Variants in CDK13 observed in about 807,000 individuals in gnomAD.
CDK13 encodes cyclin-dependent kinase 13.
Under a neutral mutation model 137.6 loss-of-function variants are expected in CDK13, and 40 were observed. The ratio of observed to expected loss-of-function variants is 0.29; its 90% CI spans 0.23 to 0.38. The LOEUF is 0.38. Among genes scored for constraint, CDK13 ranks in the 10% least tolerant of loss-of-function variants. CDK13 has a pLI of 1.00. For synonymous variants in CDK13, 869 were observed against 760.1 expected (o/e 1.14, Z -2.36); for missense variants, 1,704 against 1,951.8 (o/e 0.87, Z 2.39).
At chr7:40,024,038 C>T (rs922583752) in intron 5 of CDK13, among the ~76,000 whole-genome samples, 9 of 152,192 alleles carry the variant, frequency 5.9e-5, no homozygotes, top group Admixed American at 1.3e-4. Context: ...AGAACTCACT[C>T]TCAGCTTTTA....
At chr7:40,001,773 AGAATT>A in intron 4 of CDK13, 83 bp from the exon 5 acceptor site, 2 of 842,516 alleles carry the variant, frequency 2.4e-6, no homozygotes, top group East Asian at 4.9e-5. Flanking sequence ...AAATAAGAAC[AGAATT>A]GAATTAAAAT....
chr7:40,060,313 TTAAC>T (rs1369237031), intron 7 of CDK13, among the ~76,000 whole-genome samples: 1 of 152,212 alleles, frequency 6.6e-6, no homozygotes, highest in Non-Finnish European at 1.5e-5. Context: ...AAAATAAAAA[TTAAC>T]TATTTGTAGA....
At chr7:39,953,531 A>G (rs1049649100) in intron 1 of CDK13, among the ~76,000 whole-genome samples, 3 of 152,232 alleles carry the variant, frequency 2.0e-5, no homozygotes, top group African/African-American at 7.2e-5. Context: ...TTTTATATAC[A>G]TATATGAAAT....
At chr7:39,969,960 A>C (rs912260331) in intron 1 of CDK13, among the ~76,000 whole-genome samples, 3 of 151,776 alleles carry the variant, frequency 2.0e-5, no homozygotes, top group Admixed American at 2.0e-4. Flanking sequence ...AGTAATTTCC[A>C]AGAGCAAACG....
At chr7:40,017,202 A>G (rs541634053) in intron 5 of CDK13, among the ~76,000 whole-genome samples, 1 of 152,292 alleles carries the variant, frequency 6.6e-6, no homozygotes, top group African/African-American at 2.4e-5. Flanking sequence ...AGGCTTGCCC[A>G]TATAGATGAA....
intron 5 of CDK13, among the ~76,000 whole-genome samples, chr7:40,002,728 C>A (rs1038557808): frequency 6.6e-6 from 1 of 151,976 alleles, no homozygotes; most frequent in Non-Finnish European, 1.5e-5. Flanking sequence ...AGTTTACTGA[C>A]TGTATTCTGA....
intron 6 of CDK13, among the ~76,000 whole-genome samples, chr7:40,047,049 T>C (rs1042741120): frequency 6.7e-6 from 1 of 150,180 alleles, no homozygotes; most frequent in Non-Finnish European, 1.5e-5. Context: ...AATAATAGTC[T>C]GTAATGCATA....
intron 9 of CDK13, chr7:40,066,545 C>A (rs1263178988): frequency 6.6e-6 from 1 of 152,140 alleles, no homozygotes; most frequent in South Asian, 2.1e-4. Context: ...ATTATAATTA[C>A]ATAGTTTAAG....
intron 1 of CDK13, among the ~76,000 whole-genome samples, chr7:39,968,740 C>A (rs1181366617): frequency 6.6e-6 from 1 of 152,122 alleles, no homozygotes; most frequent in Non-Finnish European, 1.5e-5. Context: ...TAGTGGGATA[C>A]CTCCAGCCTT....
intron 5 of CDK13, among the ~76,000 whole-genome samples, chr7:40,013,288 G>A (rs867143530): frequency 1.3e-5 from 2 of 152,214 alleles, no homozygotes; most frequent in East Asian, 3.9e-4. Flanking sequence ...TGTTTAATGA[G>A]TTTCAGTTTT....
At chr7:40,012,060 C>T (rs1010465736) in intron 5 of CDK13, among the ~76,000 whole-genome samples, 1 of 151,958 alleles carries the variant, frequency 6.6e-6, no homozygotes, top group African/African-American at 2.4e-5. Flanking sequence ...TAGGGAAGTG[C>T]AAATCAAAAC....
intron 7 of CDK13, among the ~76,000 whole-genome samples, chr7:40,058,903 CTCTCTT>C (rs1786079698): frequency 6.6e-6 from 1 of 152,074 alleles, no homozygotes; most frequent in South Asian, 2.1e-4. Context: ...TTACTGAAGA[CTCTCTT>C]TGTCTCAAAA....
intron 1 of CDK13, among the ~76,000 whole-genome samples, chr7:39,974,028 A>G (rs762665483): frequency 1.3e-5 from 2 of 152,188 alleles, no homozygotes; most frequent in Non-Finnish European, 2.9e-5. Context: ...GAATCTTCCA[A>G]CTTAGGTCTT....
intron 1 of CDK13, among the ~76,000 whole-genome samples, chr7:39,969,417 G>A (rs17537753): frequency 1.8e-4 from 27 of 152,332 alleles, no homozygotes; most frequent in Admixed American, 9.1e-4. Flanking sequence ...ATTACATCCA[G>A]TTTACCCAGT....
At chr7:40,059,982 G>A (rs1011498132) in intron 7 of CDK13, among the ~76,000 whole-genome samples, 3 of 152,102 alleles carry the variant, frequency 2.0e-5, no homozygotes, top group Non-Finnish European at 2.9e-5. Context: ...ATTAGTACAC[G>A]TTAAATATTT....
At chr7:39,996,833 G>A (rs1303876893) in intron 2 of CDK13, among the ~76,000 whole-genome samples, 1 of 151,498 alleles carries the variant, frequency 6.6e-6, no homozygotes, top group Admixed American at 6.6e-5. Context: ...TGTGGTGGCG[G>A]GCACCTGTAA....
At chr7:39,988,962 T>G (rs1445463390) in intron 2 of CDK13, among the ~76,000 whole-genome samples, 2 of 151,512 alleles carry the variant, frequency 1.3e-5, no homozygotes, top group African/African-American at 4.9e-5. Context: ...CAGGTGCCTG[T>G]AATCCCAGCT....
chr7:40,009,687 T>C (rs1196783107), intron 5 of CDK13, among the ~76,000 whole-genome samples: 2 of 152,210 alleles, frequency 1.3e-5, no homozygotes, highest in African/African-American at 2.4e-5. Flanking sequence ...TCTTGACATA[T>C]ATTACCAAGT....
In CDK13 at chr7:39,997,559, T is replaced by C. The variant is rs780908635; in HGVS notation, c.1937T>C (p.Leu646Pro). 3 of 1,605,136 alleles carry C rather than the reference T, an allele frequency of 1.9e-6. No individual in the cohort carries two copies. The highest frequency in any genetic ancestry group is 2.3e-5 in the South Asian group (2 of 88,350). ...KEVEKKLRCL[L>P]ADLPLPPELP... ...GTAGAAAAGAAACTCCGATGTCTTC[T>C]TGCTGATTTACCGCTGCCCCCTGAG... The change falls in exon 3 of 14, where the codon CTT (leucine) becomes CCT (proline). Residue 646 changes from leucine to proline, a missense_variant. Physicochemically the swap from Leu to Pro is moderately conservative, Grantham distance 98. Transcript: ENST00000181839.
Sources: allele counts gnomAD v4.1 joint callset (sites outside exome capture counted in the v4.1 genomes callset), GRCh38; gene constraint gnomAD v4.1.1; transcripts MANE v1.5; gene names NCBI Gene and HGNC (gene_info 2026-07-23, HGNC 2026-07-21).